AGBL4: variants seen among roughly 807,000 people sequenced by gnomAD.
AGBL4 encodes the protein AGBL carboxypeptidase 4.
A neutral mutation model predicts 66.4 loss-of-function variants in AGBL4; 58 were observed. The ratio of observed to expected loss-of-function variants is 0.87; its 90% confidence interval spans 0.71 to 1.09. AGBL4 has a LOEUF of 1.09. Ranked by LOEUF, AGBL4 falls within the 50% of genes least tolerant of loss-of-function variation. AGBL4 has a pLI of 0.00. For synonymous variants in AGBL4, 234 were observed against 222.9 expected, an observed-to-expected ratio of 1.05 and a Z score of -0.44; for missense variants, 579 against 631.0, an observed-to-expected ratio of 0.92 and a Z score of 0.88.
At chr1:49,277,832 A>G (rs1309546972) in intron 3 of AGBL4, among the ~76,000 whole-genome samples, 1 of 151,820 alleles carries the variant, frequency 6.6e-6, no homozygotes, top group Non-Finnish European at 1.5e-5. Flanking sequence ...GCATTTTCCC[A>G]TATTGTTTTC....
chr1:49,740,814 G>A (rs1030946155), intron 2 of AGBL4, among the ~76,000 whole-genome samples: 3 of 152,124 alleles, frequency 2.0e-5, no homozygotes, highest in Admixed American at 6.5e-5. Context: ...GGTACATAAC[G>A]AAATGAAGGC....
At chr1:48,607,624 C>T (rs1260672097) in intron 9 of AGBL4, among the ~76,000 whole-genome samples, 1 of 151,898 alleles carries the variant, frequency 6.6e-6, no homozygotes, top group Non-Finnish European at 1.5e-5. Context: ...ATCCCCCCAC[C>T]CCCAGAAAAA....
chr1:48,941,311 A>G (rs1453109066), intron 5 of AGBL4, among the ~76,000 whole-genome samples: 5 of 152,232 alleles, frequency 3.3e-5, no homozygotes, highest in Non-Finnish European at 5.9e-5. Flanking sequence ...GAGCATAACA[A>G]GAAGGGCACT....
intron 3 of AGBL4, among the ~76,000 whole-genome samples, chr1:49,661,400 C>T (rs997649136): frequency 1.3e-5 from 2 of 152,050 alleles, no homozygotes; most frequent in Non-Finnish European, 2.9e-5. Context: ...TCATGAATGG[C>T]TTTGTGCTAT....
chr1:48,587,884 C>T (rs1187344710), intron 10 of AGBL4, among the ~76,000 whole-genome samples: 8 of 151,790 alleles, frequency 5.3e-5, no homozygotes, highest in East Asian at 2.0e-4. Context: ...CCTCGTGATC[C>T]GCCTGCCTCA....
intron 5 of AGBL4, among the ~76,000 whole-genome samples, chr1:48,996,198 A>G (rs1303852543): frequency 6.6e-6 from 1 of 152,206 alleles, no homozygotes; most frequent in Non-Finnish European, 1.5e-5. Context: ...TGACTTGCCT[A>G]TTTGACATCT....
chr1:49,322,228 C>A (rs1645144317), intron 3 of AGBL4, among the ~76,000 whole-genome samples: 1 of 151,966 alleles, frequency 6.6e-6, no homozygotes, highest in Non-Finnish European at 1.5e-5. Flanking sequence ...AGGCAAATTC[C>A]AAAATAGTTT....
chr1:49,479,494 C>T (rs545616365), intron 3 of AGBL4, among the ~76,000 whole-genome samples: 2 of 151,810 alleles, frequency 1.3e-5, no homozygotes, highest in African/African-American at 4.8e-5. Context: ...GTGTATTGTT[C>T]CCCTCTATGT....
chr1:49,875,645 G>A (rs1465946991), intron 1 of AGBL4, among the ~76,000 whole-genome samples: 2 of 148,656 alleles, frequency 1.3e-5, no homozygotes, highest in Admixed American at 1.3e-4. Context: ...ATAGCAGCAT[G>A]ATTTATAGTC....
At position 49,548,718 on chromosome 1, in the gene AGBL4, G is replaced by A. The variant is rs142845187; in HGVS notation, c.282+148595C>T. On this transcript the variant is annotated intron_variant, in intron 3 of 13. Transcript: ENST00000371839. ...GGTTTTAGCATCTATGTTCATCAAG[G>A]ATATCAGTCTGTAGTTTTCTTTTTT... Among the ~76,000 whole-genome samples, 1,344 of 152,226 alleles carry A rather than the reference G, an allele frequency of 8.8e-3. 15 individuals carry two copies. Among genetic ancestry groups the A allele is most frequent in the Non-Finnish European group, 0.015 (994 of 68,018 alleles).
rs1056613656 is a variant in AGBL4 at position 49,734,720 on chromosome 1, C to A, written c.158-37283G>T. Among the ~76,000 whole-genome samples the A allele has an allele frequency of 2.6e-5, 4 of 151,750 alleles. No individual in the cohort carries two copies. The South Asian group carries it at 8.3e-4, about 32-fold the overall frequency. ...GTTCATGTGTAACTTTAATTCAATCCCTATCAAAATGCCAACAGGGTTTTT... is the reference window on the plus strand; with the variant it reads ...GTTCATGTGTAACTTTAATTCAATCACTATCAAAATGCCAACAGGGTTTTT... On this transcript the variant is annotated intron_variant, in intron 2 of 13. Coordinates refer to ENST00000371839, the MANE Select transcript of AGBL4 (RefSeq NM_032785.4).
At chr1:49,173,263 T>A (rs1179837116) in intron 4 of AGBL4, among the ~76,000 whole-genome samples, 1 of 152,192 alleles carries the variant, frequency 6.6e-6, no homozygotes, top group Non-Finnish European at 1.5e-5. Flanking sequence ...GTTTTGTTTA[T>A]ATTTGTTCAT....
chr1:48,653,540 C>A, intron 7 of AGBL4, 89 bp from the exon 8 acceptor site: 1 of 1,002,664 alleles, frequency 1.0e-6, no homozygotes, highest in South Asian at 1.5e-5. Context: ...AAGAAGAGCT[C>A]AATAGGTGAT....
chr1:48,946,716 T>C (rs1388993170), intron 5 of AGBL4, among the ~76,000 whole-genome samples: 1 of 152,200 alleles, frequency 6.6e-6, no homozygotes, highest in East Asian at 1.9e-4. Flanking sequence ...CCATGAGGAC[T>C]CATAGTTGAG....
chr1:48,596,144 C>A (rs1644991212), intron 9 of AGBL4, among the ~76,000 whole-genome samples: 1 of 152,198 alleles, frequency 6.6e-6, no homozygotes, highest in Non-Finnish European at 1.5e-5. Flanking sequence ...GCTATAAACT[C>A]TCCATGTCCT....
At chr1:49,390,756 G>C (rs968354996) in intron 3 of AGBL4, among the ~76,000 whole-genome samples, 3 of 152,128 alleles carry the variant, frequency 2.0e-5, no homozygotes, top group Non-Finnish European at 4.4e-5. Context: ...TTATCCATTT[G>C]GTGTTTTGGC....
chr1:48,792,457 A>G (rs550646438), intron 6 of AGBL4, among the ~76,000 whole-genome samples: 1 of 152,254 alleles, frequency 6.6e-6, no homozygotes, highest in Non-Finnish European at 1.5e-5. Flanking sequence ...TTCCAACAGA[A>G]TAAATGATGT....
intron 9 of AGBL4, among the ~76,000 whole-genome samples, chr1:48,624,613 AG>A (rs1645469157): frequency 6.6e-6 from 1 of 152,296 alleles, no homozygotes; most frequent in East Asian, 1.9e-4. Context: ...ACTGCTCAAG[AG>A]GTTCTCACTG....
intron 4 of AGBL4, among the ~76,000 whole-genome samples, chr1:49,118,252 T>C (rs1645572518): frequency 6.6e-6 from 1 of 152,184 alleles, no homozygotes; most frequent in African/African-American, 2.4e-5. Flanking sequence ...TCCAACACTA[T>C]GTTGAATAGG....
Sources: allele counts gnomAD v4.1 joint callset (sites outside exome capture counted in the v4.1 genomes callset), GRCh38; gene constraint gnomAD v4.1.1; transcripts MANE v1.5; gene names NCBI Gene and HGNC (gene_info 2026-07-23, HGNC 2026-07-21).